CAMSAP2: variants seen among roughly 807,000 people sequenced by gnomAD.
CAMSAP2 encodes calmodulin-regulated spectrin-associated protein 2.
A neutral mutation model predicts 146.1 loss-of-function variants in CAMSAP2; 26 were observed. That is an observed-to-expected ratio of 0.18 (90% CI 0.13 to 0.25). The LOEUF is 0.25. Among genes scored for constraint, CAMSAP2 ranks in the 10% least tolerant of loss-of-function variants. The pLI, the probability that CAMSAP2 is intolerant of heterozygous loss-of-function variation, is 1.00. For synonymous variants in CAMSAP2, 499 were observed against 596.6 expected, an observed-to-expected ratio of 0.84 and a Z score of 2.38; for missense variants, 1,381 against 1,759.3, an observed-to-expected ratio of 0.78 and a Z score of 3.85.
chr1:200,804,007 A>G (rs949868095), intron 2 of CAMSAP2, among the ~76,000 whole-genome samples: 7 of 151,200 alleles, frequency 4.6e-5, no homozygotes, highest in African/African-American at 1.5e-4. Context: ...GCTCACTGCA[A>G]CCTCCACCTC....
intron 1 of CAMSAP2, among the ~76,000 whole-genome samples, chr1:200,744,146 A>G (rs1395075190): frequency 5.9e-5 from 9 of 152,200 alleles, no homozygotes; most frequent in Admixed American, 3.9e-4. Context: ...GAGTTACCCA[A>G]CTAATGGAGC....
At chr1:200,772,201 T>C (rs1310349316) in intron 2 of CAMSAP2, among the ~76,000 whole-genome samples, 1 of 152,164 alleles carries the variant, frequency 6.6e-6, no homozygotes, top group Non-Finnish European at 1.5e-5. Flanking sequence ...CAAAAGTACT[T>C]ATCCTTGTAA....
Position 200,853,133 on chromosome 1 carries a change from C to T in CAMSAP2, c.3603-142C>T, listed in dbSNP as rs1000295357. On this transcript the variant is annotated intron_variant, in intron 12 of 16. Coordinates refer to ENST00000358823, the MANE Select transcript of CAMSAP2 (RefSeq NM_203459.4). The surrounding 1 kb of genome is among the most constrained non-coding windows in gnomAD (Gnocchi z 5.1). Reference sequence around the variant, plus strand: ...GCTTAATCCCATGTCTCAGCAGAATCGTCAAGTACCTTTTAAATGAACCAT... The same window carrying T: ...GCTTAATCCCATGTCTCAGCAGAATTGTCAAGTACCTTTTAAATGAACCAT... The T allele has an allele frequency of 5.5e-5, 38 of 689,718 alleles. No individual in the cohort carries two copies. The highest frequency in any genetic ancestry group is 4.0e-4 in the Admixed American group (14 of 35,050). The allele number at this position is 689,718 out of a possible 1,614,324, so 42.7% of individuals were successfully genotyped here.
chr1:200,825,969 T>C (rs1027728826), intron 4 of CAMSAP2, among the ~76,000 whole-genome samples: 2 of 152,232 alleles, frequency 1.3e-5, no homozygotes, highest in Non-Finnish European at 2.9e-5. Flanking sequence ...ATTTTGGATA[T>C]GTATTTTCAA....
chr1:200,770,074 C>A (rs777893438), intron 2 of CAMSAP2, among the ~76,000 whole-genome samples: 1 of 152,154 alleles, frequency 6.6e-6, no homozygotes, highest in Non-Finnish European at 1.5e-5. Context: ...ATAGATGATT[C>A]TCCCCTATCA....
At chr1:200,747,625 A>G (rs1021510821) in intron 1 of CAMSAP2, among the ~76,000 whole-genome samples, 16 of 152,176 alleles carry the variant, frequency 1.1e-4, no homozygotes, top group African/African-American at 3.6e-4. Flanking sequence ...TGATTTGATC[A>G]GGGCTGTAGC....
intron 2 of CAMSAP2, among the ~76,000 whole-genome samples, chr1:200,761,458 G>A (rs1034854693): frequency 1.3e-5 from 2 of 152,154 alleles, no homozygotes; most frequent in South Asian, 2.1e-4. Flanking sequence ...ATTTATGGCC[G>A]GGCGCGGTGG....
chr1:200,752,534 C>G (rs898477505), intron 1 of CAMSAP2, among the ~76,000 whole-genome samples: 4 of 151,906 alleles, frequency 2.6e-5, no homozygotes, highest in Admixed American at 6.6e-5. Flanking sequence ...AGCCCGTATT[C>G]AGATTTGCCA....
At chr1:200,827,378 C>CA (rs1468463385) in intron 4 of CAMSAP2, among the ~76,000 whole-genome samples, 1 of 151,994 alleles carries the variant, frequency 6.6e-6, no homozygotes, top group Non-Finnish European at 1.5e-5. Flanking sequence ...GTCTAGAAAA[C>CA]AAAAAAATCC....
At chr1:200,820,348 C>T (rs2102189063) in intron 4 of CAMSAP2, among the ~76,000 whole-genome samples, 1 of 152,106 alleles carries the variant, frequency 6.6e-6, no homozygotes, top group South Asian at 2.1e-4. Context: ...GAGACACCAC[C>T]CCAGCCAATG....
intron 7 of CAMSAP2, 40 bp from the exon 8 acceptor site, chr1:200,844,742 A>T (rs774017827): frequency 2.5e-6 from 3 of 1,184,308 alleles, no homozygotes; most frequent in Non-Finnish European, 3.6e-6. Context: ...TCATAGAAAT[A>T]TGCTAATTTG....
intron 1 of CAMSAP2, among the ~76,000 whole-genome samples, chr1:200,759,264 C>T (rs112012346): frequency 7.4e-5 from 11 of 148,990 alleles, no homozygotes; most frequent in African/African-American, 2.2e-4. Context: ...AAAATTCTGC[C>T]GATTCCTGCT....
chr1:200,799,827 T>G (rs1026442549), intron 2 of CAMSAP2, among the ~76,000 whole-genome samples: 1 of 152,202 alleles, frequency 6.6e-6, no homozygotes, highest in East Asian at 1.9e-4. Context: ...TAAATTTCAC[T>G]CTAAACACTG....
At position 200,853,052 on chromosome 1, in the gene CAMSAP2, CTTTATT is replaced by C. The variant is rs1169393683; in HGVS notation, c.3603-215_3603-210del. 4.6e-5 allele frequency among the ~76,000 whole-genome samples: 7 copies of C among 151,380 alleles called. No homozygotes were observed. The highest frequency in any genetic ancestry group is 1.0e-4 in the Non-Finnish European group (7 of 67,856). Reference sequence around the variant, plus strand: ...ACACGACCTAAATTATCTCAAATACCTTTATTTTTATTTATTTATTTGACTCTTCCT... The same window carrying C: ...ACACGACCTAAATTATCTCAAATACCTTTATTTATTTATTTGACTCTTCCT... On this transcript the variant is annotated intron_variant, in intron 12 of 16. Coordinates refer to ENST00000358823, the MANE Select transcript of CAMSAP2 (RefSeq NM_203459.4). The surrounding 1 kb of genome is among the most constrained non-coding windows in gnomAD (Gnocchi z 5.1).
chr1:200,795,997 G>T (rs543887294), intron 2 of CAMSAP2, among the ~76,000 whole-genome samples: 1 of 152,224 alleles, frequency 6.6e-6, no homozygotes, highest in East Asian at 1.9e-4. Context: ...AGTTTTGTGC[G>T]ATCAGTTGTT....
chr1:200,796,918 G>A (rs986591206), intron 2 of CAMSAP2, among the ~76,000 whole-genome samples: 9 of 151,546 alleles, frequency 5.9e-5, no homozygotes, highest in South Asian at 2.1e-4. Context: ...GAGAATATGC[G>A]GTGTTTGGTT....
At position 200,847,208 on chromosome 1, in the gene CAMSAP2, A is replaced by C. The variant is rs764538688; in HGVS notation, c.1110-2A>C. 1.3e-6 allele frequency: 2 copies of C among 1,598,496 alleles called. No homozygotes were observed. The highest frequency in any genetic ancestry group is 4.5e-5 in the East Asian group (2 of 44,680). On this transcript the variant is annotated splice_acceptor_variant, in intron 8 of 16. Coordinates refer to ENST00000358823, the MANE Select transcript of CAMSAP2 (RefSeq NM_203459.4). LOFTEE classifies it high-confidence loss of function. Reference sequence around the variant, plus strand: ...ACATTTTAAATTTATTTTCCATTGCAGTGGGGAAGGAGCTACATTTACACA... The same window carrying C: ...ACATTTTAAATTTATTTTCCATTGCCGTGGGGAAGGAGCTACATTTACACA...
intron 1 of CAMSAP2, among the ~76,000 whole-genome samples, chr1:200,758,334 A>G (rs948826120): frequency 4.6e-5 from 7 of 152,224 alleles, no homozygotes; most frequent in Non-Finnish European, 7.3e-5. Context: ...ACATTTGATA[A>G]GTTATCTTAA....
intron 2 of CAMSAP2, among the ~76,000 whole-genome samples, chr1:200,782,375 G>A (rs934980461): frequency 6.6e-6 from 1 of 152,050 alleles, no homozygotes; most frequent in Non-Finnish European, 1.5e-5. Context: ...TTTGACAAAG[G>A]TATGCACTCT....
Sources: allele counts gnomAD v4.1 joint callset (sites outside exome capture counted in the v4.1 genomes callset), GRCh38; gene constraint gnomAD v4.1.1; non-coding constraint Gnocchi (gnomAD v3.1); transcripts MANE v1.5; gene names NCBI Gene and HGNC (gene_info 2026-07-23, HGNC 2026-07-21).